The following CENPW variants were observed in gnomAD, a reference collection of about 807,000 sequenced individuals.
CENPW encodes centromere protein W.
Under a neutral mutation model 11.1 loss-of-function variants are expected in CENPW, and 3 were observed. That is an observed-to-expected ratio of 0.27 (90% CI 0.12 to 0.70). CENPW has a LOEUF of 0.70. Ranked by LOEUF, CENPW falls within the 30% of genes least tolerant of loss-of-function variation. CENPW has a pLI of 0.77. For missense variants in CENPW, 100 were observed against 105.6 expected, an observed-to-expected ratio of 0.95 and a Z score of 0.23; for synonymous variants, 38 against 42.0, an observed-to-expected ratio of 0.91 and a Z score of 0.37.
chr6:126,436,998 G>A, the CENPW span, among the ~76,000 whole-genome samples: 1 of 151,550 alleles, frequency 6.6e-6, no homozygotes, highest in East Asian at 1.9e-4. Flanking sequence ...TGATGCAAAG[G>A]TCTATAATGG....
the CENPW span, among the ~76,000 whole-genome samples, chr6:126,407,520 A>G: frequency 6.6e-6 from 1 of 152,180 alleles, no homozygotes; most frequent in African/African-American, 2.4e-5. Context: ...CTGTCTTCCA[A>G]AATGGTTGAA....
chr6:126,447,297 A>G, the CENPW span, among the ~76,000 whole-genome samples: 1 of 151,312 alleles, frequency 6.6e-6, no homozygotes, highest in East Asian at 1.9e-4. Context: ...CCAGGTAAAG[A>G]ATCCAAGCAC....
At chr6:126,369,031 T>G in the CENPW span, among the ~76,000 whole-genome samples, 1 of 152,176 alleles carries the variant, frequency 6.6e-6, no homozygotes, top group African/African-American at 2.4e-5. Flanking sequence ...AGTGAGAACA[T>G]ACAATGTTTG....
At chr6:126,418,045 A>T in the CENPW span, among the ~76,000 whole-genome samples, 1 of 152,224 alleles carries the variant, frequency 6.6e-6, no homozygotes, top group Non-Finnish European at 1.5e-5. Flanking sequence ...AAACTTTGGG[A>T]TACCACTTCA....
chr6:126,463,822 T>C, the CENPW span, among the ~76,000 whole-genome samples: 82 of 152,104 alleles, frequency 5.4e-4, no homozygotes, highest in African/African-American at 1.6e-3. Context: ...CATAAAAACT[T>C]TGGGTCCAGA....
the CENPW span, among the ~76,000 whole-genome samples, chr6:126,364,565 A>G: frequency 6.6e-6 from 1 of 152,042 alleles, no homozygotes; most frequent in African/African-American, 2.4e-5. Flanking sequence ...TACATTTCCA[A>G]CCATCCTAAT....
rs1780277363 is a variant in CENPW, at chr6:126,340,355, C to T, written c.82C>T (p.Arg28Ter). ...TGGCTTTCTAAAGCGAGTCTTCAAGCGAAAGAAGCCTCAACTTCGTCTGGA... is the reference window on the plus strand; with the variant it reads ...TGGCTTTCTAAAGCGAGTCTTCAAGTGAAAGAAGCCTCAACTTCGTCTGGA... ...PRGFLKRVFK[R>*]KKPQLRLEKS... is the part of the protein sequence containing the mutation. The change falls in exon 1 of 3, where the codon CGA becomes TGA. Residue 28 changes from arginine (R) to a stop codon, truncating the protein, a stop_gained. Coordinates refer to ENST00000368328, the MANE Select transcript of CENPW (RefSeq NM_001012507.4). LOFTEE classifies it high-confidence loss of function. 1 of 1,613,926 alleles carries T rather than the reference C, an allele frequency of 6.2e-7. No homozygotes were observed. Among genetic ancestry groups the T allele is most frequent in the South Asian group, 1.1e-5 (1 of 91,076 alleles).
At chr6:126,426,363 T>G in the CENPW span, among the ~76,000 whole-genome samples, 1 of 152,126 alleles carries the variant, frequency 6.6e-6, no homozygotes, top group East Asian at 1.9e-4. Flanking sequence ...ATTTCAGGCC[T>G]TTAAAAGCTA....
At chr6:126,358,108 C>T in the CENPW span, among the ~76,000 whole-genome samples, 1 of 152,100 alleles carries the variant, frequency 6.6e-6, no homozygotes, top group Admixed American at 6.5e-5. Flanking sequence ...TTATAGGAGC[C>T]TTTTGGTGGA....
In CENPW at chr6:126,343,659, T is replaced by C. The variant is rs142880798; in HGVS notation, c.127-2546T>C. Among the ~76,000 whole-genome samples the C allele has an allele frequency of 3.1e-3, 479 of 152,278 alleles. 2 individuals carry two copies. Among genetic ancestry groups the C allele is most frequent in the Non-Finnish European group, 5.7e-3 (391 of 68,024 alleles). ...TCTAAGAGTCCAAAAGCTGAAGAAC[T>C]TGGAGTCTGATGTTCAAAGGCAGGA... On this transcript the variant is annotated intron_variant, in intron 1 of 2. Transcript: ENST00000368328.
At chr6:126,457,498 G>T in the CENPW span, among the ~76,000 whole-genome samples, 42 of 151,460 alleles carry the variant, frequency 2.8e-4, no homozygotes, top group African/African-American at 1.0e-3. Flanking sequence ...TTTATGAATA[G>T]GAGCCAAACA....
the CENPW span, among the ~76,000 whole-genome samples, chr6:126,451,257 C>T: frequency 2.0e-5 from 3 of 150,912 alleles, no homozygotes; most frequent in African/African-American, 7.3e-5. Flanking sequence ...AACTATAAAA[C>T]TTTGACAGAA....
Position 126,348,485 on chromosome 6 carries a change from G to T in CENPW, c.260G>T (p.Arg87Ile). 1 of 1,431,686 alleles carries T rather than the reference G, an allele frequency of 7.0e-7. No homozygotes were observed. Among genetic ancestry groups the T allele is most frequent in the Non-Finnish European group, 9.8e-7 (1 of 1,016,970 alleles). 88.7% of individuals were successfully genotyped at this position (1,431,686 alleles called of 1,614,324 possible). ...AAAKVILKKSRG is the reference protein window; with the variant it reads ...AAAKVILKKSIG ...TTACAGGTAATTCTAAAGAAGAGCAGAGGTTAGAAGTCAAAGAACATATTC... is the reference window on the plus strand; with the variant it reads ...TTACAGGTAATTCTAAAGAAGAGCATAGGTTAGAAGTCAAAGAACATATTC... The change falls in exon 3 of 3, where the codon AGA becomes ATA. Residue 87 changes from arginine to isoleucine, a missense_variant. Physicochemically the swap from Arg to Ile is moderately conservative, Grantham distance 97 (BLOSUM62 -3). Coordinates refer to ENST00000368328, the MANE Select transcript of CENPW (RefSeq NM_001012507.4).
At chr6:126,425,438 A>G in the CENPW span, among the ~76,000 whole-genome samples, 4 of 152,152 alleles carry the variant, frequency 2.6e-5, no homozygotes, top group Non-Finnish European at 4.4e-5. Context: ...ACACCAATTT[A>G]CTGACATAAA....
downstream of CENPW, among the ~76,000 whole-genome samples, chr6:126,352,056 GGTA>G (rs1338095050): frequency 6.6e-6 from 1 of 152,094 alleles, no homozygotes; most frequent in African/African-American, 2.4e-5. Flanking sequence ...ATTTCTAGCA[GGTA>G]GCCAGGTGAT....
chr6:126,372,870 G>T, the CENPW span, among the ~76,000 whole-genome samples: 2 of 152,138 alleles, frequency 1.3e-5, no homozygotes, highest in Non-Finnish European at 2.9e-5. Flanking sequence ...AGTGCTTTGG[G>T]ATATTACGAG....
chr6:126,377,386 C>T, the CENPW span, among the ~76,000 whole-genome samples: 1 of 152,186 alleles, frequency 6.6e-6, no homozygotes, highest in East Asian at 1.9e-4. Flanking sequence ...TGTGGTGCTG[C>T]TATTCAAAAA....
chr6:126,411,992 CCACTCCCTTCCTCTCT>C, the CENPW span, among the ~76,000 whole-genome samples: 5 of 106,668 alleles, frequency 4.7e-5, no homozygotes, highest in East Asian at 4.0e-4. Flanking sequence ...CTTCCTTCCC[CCACTCCCTTCCTCTCT>C]CCCTCCCACT....
At chr6:126,477,838 C>T in the CENPW span, among the ~76,000 whole-genome samples, 2 of 152,096 alleles carry the variant, frequency 1.3e-5, no homozygotes, top group African/African-American at 4.8e-5. Flanking sequence ...GGTTCTAGAA[C>T]ATGTCCTGTC....
Sources: gnomAD v4.1 joint callset for allele counts (sites outside exome capture counted in the v4.1 genomes callset) on GRCh38, gnomAD v4.1.1 for gene constraint, MANE v1.5 for transcripts, NCBI Gene and HGNC (gene_info 2026-07-23, HGNC 2026-07-21) for gene names.